The following OR2L13 variants were observed in gnomAD, a reference collection of about 807,000 sequenced individuals.
OR2L13 encodes olfactory receptor 2L13.
In OR2L13, 14 loss-of-function variants were observed where a neutral mutation model predicts 15.3. The ratio of observed to expected loss-of-function variants is 0.91; its 90% CI spans 0.60 to 1.43. The LOEUF is 1.43. Among genes scored for constraint, OR2L13 ranks in the 40% most tolerant of loss-of-function variants. The pLI, the probability that OR2L13 is intolerant of heterozygous loss-of-function variation, is 0.00. For synonymous variants in OR2L13, 152 were observed against 142.9 expected (o/e 1.06, Z -0.45); for missense variants, 367 against 387.9 (o/e 0.95, Z 0.45).
At chr1:247,971,413 G>A in the OR2L13 span, among the ~76,000 whole-genome samples, 1,124 of 152,140 alleles carry the variant, frequency 7.4e-3, 9 homozygotes, top group African/African-American at 0.025. Context: ...TTGTGCTCTC[G>A]GCTATCTAAC....
the OR2L13 span, among the ~76,000 whole-genome samples, chr1:247,983,213 G>T: frequency 1.8e-4 from 27 of 152,270 alleles, no homozygotes; most frequent in Middle Eastern, 6.8e-3. Flanking sequence ...TGAAGAGTTT[G>T]TTATTAGGAT....
the OR2L13 span, among the ~76,000 whole-genome samples, chr1:248,076,175 C>T: frequency 6.6e-6 from 1 of 152,250 alleles, no homozygotes; most frequent in South Asian, 2.1e-4. Flanking sequence ...GGCATTATTT[C>T]TGAGACCTCT....
the OR2L13 span, chr1:247,990,452 TAGTC>T: frequency 1.9e-6 from 3 of 1,581,654 alleles, no homozygotes; most frequent in Admixed American, 5.0e-5. Flanking sequence ...ATTTCCTACT[TAGTC>T]AGCTCTCCCT....
the OR2L13 span, among the ~76,000 whole-genome samples, chr1:248,018,207 G>T: frequency 6.6e-6 from 1 of 151,882 alleles, no homozygotes; most frequent in Non-Finnish European, 1.5e-5. Flanking sequence ...GAGGTACTCA[G>T]TTGCAACATG....
At chr1:247,987,916 T>G in the OR2L13 span, among the ~76,000 whole-genome samples, 13 of 152,258 alleles carry the variant, frequency 8.5e-5, no homozygotes, top group South Asian at 2.7e-3. Context: ...ATATATATTC[T>G]TGTAAAACCT....
the OR2L13 span, among the ~76,000 whole-genome samples, chr1:248,075,207 C>G: frequency 6.6e-6 from 1 of 152,138 alleles, no homozygotes. Context: ...TGAACTCATT[C>G]TTTTTTATGG....
the OR2L13 span, chr1:247,949,558 A>G: frequency 1.9e-6 from 3 of 1,614,122 alleles, no homozygotes; most frequent in Admixed American, 5.0e-5. Context: ...GAAGGGAGGA[A>G]GAAAGCCTAT....
the OR2L13 span, among the ~76,000 whole-genome samples, chr1:248,069,165 A>G: frequency 6.6e-6 from 1 of 152,186 alleles, no homozygotes; most frequent in African/African-American, 2.4e-5. Flanking sequence ...TCCAAGACAC[A>G]TAATTGTCAG....
the OR2L13 span, among the ~76,000 whole-genome samples, chr1:247,992,654 C>T: frequency 1.3e-5 from 2 of 152,150 alleles, no homozygotes; most frequent in African/African-American, 4.8e-5. Context: ...AGTCAATTTG[C>T]TTAGGATTAT....
the OR2L13 span, chr1:248,084,531 G>A: frequency 5.0e-6 from 8 of 1,612,984 alleles, no homozygotes; most frequent in Admixed American, 1.7e-5. Context: ...AGAGGACTTG[G>A]TGGGCTCTGG....
At chr1:248,062,088 C>T in the OR2L13 span, 73 of 157,394 alleles carry the variant, frequency 4.6e-4, no homozygotes, top group Admixed American at 2.9e-3. Flanking sequence ...AGACACTTAA[C>T]GTACCAATTA....
chr1:247,994,733 A>G, the OR2L13 span, among the ~76,000 whole-genome samples: 530 of 152,292 alleles, frequency 3.5e-3, 5 homozygotes, highest in African/African-American at 0.012. Context: ...TTTTGCTAAG[A>G]CAGTGGGTTT....
At chr1:247,970,003 C>T in the OR2L13 span, among the ~76,000 whole-genome samples, 4 of 152,182 alleles carry the variant, frequency 2.6e-5, no homozygotes, top group Non-Finnish European at 4.4e-5. Context: ...CAGAACTATA[C>T]TTCAGTCAGT....
At chr1:247,944,184 T>C in the OR2L13 span, among the ~76,000 whole-genome samples, 1 of 152,160 alleles carries the variant, frequency 6.6e-6, no homozygotes, top group Non-Finnish European at 1.5e-5. Flanking sequence ...TTAAGATTCA[T>C]ATAAATTTTA....
the OR2L13 span, among the ~76,000 whole-genome samples, chr1:247,960,712 G>A: frequency 0.011 from 1,677 of 152,286 alleles, 26 homozygotes; most frequent in African/African-American, 0.038. Flanking sequence ...CAATGAGTGA[G>A]GCTCCGTTGG....
At chr1:248,098,066 A>G (rs964091094) in intron 1 of OR2L13, among the ~76,000 whole-genome samples, 3 of 152,228 alleles carry the variant, frequency 2.0e-5, no homozygotes, top group Admixed American at 6.5e-5. Flanking sequence ...AATCTTTATC[A>G]TACATACCCT....
the OR2L13 span, among the ~76,000 whole-genome samples, chr1:248,058,244 T>G: frequency 6.6e-6 from 1 of 152,202 alleles, no homozygotes; most frequent in Non-Finnish European, 1.5e-5. Context: ...TCAAATTATC[T>G]TTTCAGTTTT....
chr1:248,036,913 A>G, the OR2L13 span, among the ~76,000 whole-genome samples: 1 of 152,210 alleles, frequency 6.6e-6, no homozygotes, highest in Admixed American at 6.5e-5. Flanking sequence ...CTTCATATGA[A>G]TGGGAGGATC....
the OR2L13 span, among the ~76,000 whole-genome samples, chr1:248,078,917 A>G: frequency 6.6e-6 from 1 of 152,190 alleles, no homozygotes; most frequent in Non-Finnish European, 1.5e-5. Flanking sequence ...ATCTGTATCT[A>G]TGCGATGAAA....
Sources: gnomAD v4.1 joint callset for allele counts (sites outside exome capture counted in the v4.1 genomes callset) on GRCh38, gnomAD v4.1.1 for gene constraint, MANE v1.5 for transcripts, NCBI Gene and HGNC (gene_info 2026-07-23, HGNC 2026-07-21) for gene names.